FAM78B: variants seen among roughly 807,000 people sequenced by gnomAD.
The protein encoded by FAM78B is family with sequence similarity 78 member B.
In FAM78B, 10 loss-of-function variants were observed where a neutral mutation model predicts 20.0. The observed-to-expected ratio is 0.50, with a 90% CI of 0.31 to 0.85. The LOEUF (loss-of-function observed/expected upper bound fraction) is 0.85. Ranked by LOEUF, FAM78B falls within the 40% of genes least tolerant of loss-of-function variation. FAM78B has a pLI of 0.05. For missense variants in FAM78B, 283 were observed against 345.0 expected (o/e 0.82, Z 1.42); for synonymous variants, 135 against 132.8 (o/e 1.02, Z -0.12).
intron 1 of FAM78B, among the ~76,000 whole-genome samples, chr1:166,139,803 G>A (rs1011458041): frequency 2.6e-5 from 4 of 152,192 alleles, no homozygotes; most frequent in Admixed American, 1.3e-4. Flanking sequence ...GCACAGTATG[G>A]TCTTTTAACC....
chr1:166,128,284 C>T (rs1423870638), intron 1 of FAM78B, among the ~76,000 whole-genome samples: 8 of 152,170 alleles, frequency 5.3e-5, no homozygotes, highest in Non-Finnish European at 1.0e-4. Flanking sequence ...TTATTCCTCA[C>T]TCCACAAAGG....
At chr1:166,160,345 G>A (rs574884421) in intron 1 of FAM78B, among the ~76,000 whole-genome samples, 1 of 152,336 alleles carries the variant, frequency 6.6e-6, no homozygotes, top group South Asian at 2.1e-4. Context: ...AGTGATGCAG[G>A]TGGAACAGTG....
chr1:166,159,635 C>A (rs1168637003), intron 1 of FAM78B, among the ~76,000 whole-genome samples: 2 of 152,192 alleles, frequency 1.3e-5, no homozygotes, highest in Non-Finnish European at 2.9e-5. Context: ...CAGTCTGATG[C>A]CCTCACAGTC....
At chr1:166,135,488 G>C (rs1655035304) in intron 1 of FAM78B, among the ~76,000 whole-genome samples, 2 of 152,174 alleles carry the variant, frequency 1.3e-5, no homozygotes, top group African/African-American at 4.8e-5. Context: ...TACAATGAAA[G>C]CGTGTATCAT....
At chr1:166,064,989 A>C (rs1191082667), downstream of FAM78B, among the ~76,000 whole-genome samples, 2 of 152,170 alleles carry the variant, frequency 1.3e-5, no homozygotes, top group Non-Finnish European at 2.9e-5. Flanking sequence ...AGAGCACCCA[A>C]CTGGGCCTCC....
chr1:166,100,531 C>T (rs1653470480), intron 1 of FAM78B, among the ~76,000 whole-genome samples: 1 of 152,222 alleles, frequency 6.6e-6, no homozygotes, highest in South Asian at 2.1e-4. Flanking sequence ...GCAGACAGCA[C>T]ACCAGGAGAT....
rs149234020 is a variant in FAM78B at position 166,156,370 on chromosome 1, G to A, written c.263+9616C>T. Among the ~76,000 whole-genome samples, 1,057 of 152,278 alleles carry A rather than the reference G, an allele frequency of 6.9e-3. 23 individuals are homozygous for A. Among genetic ancestry groups the A allele is most frequent in the African/African-American group, 0.024 (1,005 of 41,540 alleles). On this transcript the variant is annotated intron_variant, in intron 1 of 1. Transcript: ENST00000354422. ...TCCACATGCTGTCTGAGCCAGAGGT[G>A]CCCAATGCACATGGCTCTGAGGATG...
Position 166,060,992 on chromosome 1 carries a change from G to GT in FAM78B, c.*410-330dup, listed in dbSNP as rs201764330. Among the ~76,000 whole-genome samples, 922 of 152,280 alleles carry GT rather than the reference G, an allele frequency of 6.1e-3. 1 individual carries two copies. The highest frequency in any genetic ancestry group is 7.8e-3 in the Non-Finnish European group (531 of 68,028). ...GGAAGTTGAGACCCCCAATGGCATTGTTTTTTAGCATCCAAAGCACAAAGG... is the reference window on the plus strand; with the variant it reads ...GGAAGTTGAGACCCCCAATGGCATTGTTTTTTTAGCATCCAAAGCACAAAGG... On this transcript the variant is annotated intron_variant and NMD_transcript_variant, in intron 2 of 2. Coordinates refer to the FAM78B transcript ENST00000435676.
chr1:166,078,090 G>A (rs368283532), intron 1 of FAM78B, among the ~76,000 whole-genome samples: 2 of 149,588 alleles, frequency 1.3e-5, no homozygotes, highest in South Asian at 4.2e-4. Flanking sequence ...GGAGTGCAGC[G>A]GTATGATCTT....
chr1:166,070,401 G>T lies in FAM78B; in HGVS notation c.626C>A (p.Ala209Asp). ...VDPLQLLGQR[A>D]RLVGRTQQEQ... ...CTGCTGAGTCCTGCCCACCAGCCGG[G>T]CCCGCTGCCCCAAGAGCTGAAGAGG... Residue 209 changes from alanine to aspartate, a missense_variant, in exon 2 of 2, where the codon GCC (alanine) becomes GAC (aspartate). Ala to Asp is a moderately radical substitution (Grantham distance 126). Transcript: ENST00000354422. The T allele has an allele frequency of 1.2e-6, 2 of 1,614,134 alleles. No individual in the cohort carries two copies. The highest frequency in any genetic ancestry group is 1.7e-6 in the Non-Finnish European group (2 of 1,179,994).
intron 1 of FAM78B, among the ~76,000 whole-genome samples, chr1:166,148,225 G>C (rs887686433): frequency 1.3e-5 from 2 of 152,198 alleles, no homozygotes; most frequent in Non-Finnish European, 2.9e-5. Flanking sequence ...GATAAATCTT[G>C]AAATACTTTT....
chr1:166,056,913 G>A (rs1265586883), downstream of FAM78B, among the ~76,000 whole-genome samples: 1 of 152,156 alleles, frequency 6.6e-6, no homozygotes, highest in Non-Finnish European at 1.5e-5. Flanking sequence ...CTTTTGGGAG[G>A]TGATTAGGTC....
chr1:166,096,887 A>C (rs1653299751), intron 1 of FAM78B, among the ~76,000 whole-genome samples: 1 of 152,170 alleles, frequency 6.6e-6, no homozygotes, highest in Non-Finnish European at 1.5e-5. Context: ...ACTAGATTGC[A>C]GCTCTGGACA....
At chr1:166,152,659 T>TTGATTG (rs576807307) in intron 1 of FAM78B, among the ~76,000 whole-genome samples, 368 of 114,808 alleles carry the variant, frequency 3.2e-3, no homozygotes, top group African/African-American at 0.018. Context: ...ACTCTGGATT[T>TTGATTG]ATTTATTTAT....
intron 1 of FAM78B, among the ~76,000 whole-genome samples, chr1:166,144,909 T>G (rs1269752308): frequency 6.6e-6 from 1 of 152,164 alleles, no homozygotes; most frequent in Admixed American, 6.5e-5. Context: ...CTCCTCTGAT[T>G]TCCTGTCCAT....
intron 1 of FAM78B, among the ~76,000 whole-genome samples, chr1:166,072,941 C>CT (rs1652106670): frequency 6.6e-6 from 1 of 152,194 alleles, no homozygotes; most frequent in Non-Finnish European, 1.5e-5. Flanking sequence ...TCCCATCTTC[C>CT]TGCCCAGAGC....
chr1:166,114,797 T>G (rs1439417056), intron 1 of FAM78B, among the ~76,000 whole-genome samples: 5 of 152,186 alleles, frequency 3.3e-5, no homozygotes, highest in African/African-American at 1.2e-4. Flanking sequence ...AGCATATTTT[T>G]TTGTTGTTGT....
Position 166,139,678 on chromosome 1 carries a change from A to G in FAM78B, c.263+26308T>C, listed in dbSNP as rs149535479. ...CTGGCTTCAGCACCAACTCTAACAC[A>G]TAGTTCTATAGCTGGCAGAGGAGGC... On this transcript the variant is annotated intron_variant, in intron 1 of 1. Coordinates refer to ENST00000354422, the MANE Select transcript of FAM78B (RefSeq NM_001017961.5). Among the ~76,000 whole-genome samples the G allele has an allele frequency of 4.3e-3, 661 of 152,298 alleles. 4 individuals carry two copies. Among genetic ancestry groups the G allele is most frequent in the African/African-American group, 0.014 (596 of 41,570 alleles).
At chr1:166,062,891 A>G (rs1171664227) in intron 2 of FAM78B, among the ~76,000 whole-genome samples, 1 of 152,244 alleles carries the variant, frequency 6.6e-6, no homozygotes, top group Non-Finnish European at 1.5e-5. Flanking sequence ...GTGAAGGGAC[A>G]AGAGCAGATG....
Sources: gnomAD v4.1 joint callset for allele counts (sites outside exome capture counted in the v4.1 genomes callset) on GRCh38, gnomAD v4.1.1 for gene constraint, MANE v1.5 for transcripts, NCBI Gene and HGNC (gene_info 2026-07-23, HGNC 2026-07-21) for gene names.